DPH6: variants seen among roughly 807,000 people sequenced by gnomAD.
DPH6 encodes the protein diphthine--ammonia ligase.
A neutral mutation model predicts 38.2 loss-of-function variants in DPH6; 33 were observed. That is an observed-to-expected ratio of 0.86 (90% CI 0.65 to 1.15). DPH6 has a LOEUF of 1.15. DPH6 is among the 50% of genes most tolerant of loss of function. DPH6 has a pLI of 0.00. For missense variants in DPH6, 325 were observed against 320.0 expected, an observed-to-expected ratio of 1.02 and a Z score of -0.12; for synonymous variants, 108 against 103.0, an observed-to-expected ratio of 1.05 and a Z score of -0.30.
In DPH6 at chr15:35,486,319, A is replaced by T. The variant is rs574755900; in HGVS notation, c.313-31499T>A. The stretch of plus-strand genomic sequence containing the variant: ...ATGGGGATTATGGAGATTACAAATC[A>T]AGGTGAGATTTTGGGTGGCGACACA... On this transcript the variant is annotated intron_variant, in intron 3 of 8. Coordinates refer to ENST00000256538, the MANE Select transcript of DPH6 (RefSeq NM_080650.4). Among the ~76,000 whole-genome samples the T allele has an allele frequency of 8.5e-5, 13 of 152,092 alleles. 1 individual carries two copies. The highest frequency in any genetic ancestry group is 7.8e-4 in the East Asian group (4 of 5,152).
downstream of DPH6, among the ~76,000 whole-genome samples, chr15:35,325,893 A>G (rs2052278201): frequency 6.6e-6 from 1 of 152,190 alleles, no homozygotes; most frequent in African/African-American, 2.4e-5. Context: ...AAGGATAGAT[A>G]ACACAATAGA....
exon 4 of DPH6, chr15:35,219,653 G>A (rs1252464289): frequency 1.3e-5 from 2 of 152,086 alleles, no homozygotes; most frequent in African/African-American, 4.8e-5. Context: ...ATGTTGCAGT[G>A]AGTAATAAAA....
intron 5 of DPH6, among the ~76,000 whole-genome samples, chr15:35,419,066 CAT>C (rs1370476566): frequency 3.5e-5 from 5 of 143,706 alleles, no homozygotes; most frequent in East Asian, 2.0e-4. Context: ...AACACACACA[CAT>C]ACACACACAC....
At chr15:35,270,081 G>T (rs537972910) in intron 3 of DPH6, among the ~76,000 whole-genome samples, 14 of 149,870 alleles carry the variant, frequency 9.3e-5, no homozygotes, top group Admixed American at 4.6e-4. Context: ...TTACAGGCGT[G>T]AGCCACCGCG....
the DPH6 span, among the ~76,000 whole-genome samples, chr15:35,180,218 A>T: frequency 5.3e-5 from 8 of 152,202 alleles, no homozygotes; most frequent in African/African-American, 1.9e-4. Flanking sequence ...TTAAAAAAAT[A>T]AATTGATGTC....
chr15:35,545,514 G>C (rs2055333285), intron 1 of DPH6, among the ~76,000 whole-genome samples: 1 of 152,216 alleles, frequency 6.6e-6, no homozygotes, highest in Non-Finnish European at 1.5e-5. Context: ...AGAGATCTCT[G>C]TACTTGAGTG....
intron 3 of DPH6, among the ~76,000 whole-genome samples, chr15:35,317,375 GGAAAGAAAAA>G (rs1444796511): frequency 7.4e-6 from 1 of 134,258 alleles, no homozygotes; most frequent in Admixed American, 8.0e-5. Context: ...AGAAAGAAAA[GGAAAGAAAAA>G]GAAAGAAAAG....
intron 4 of DPH6, 40 bp downstream of exon 4, chr15:35,454,707 C>T: frequency 4.0e-6 from 6 of 1,495,192 alleles, no homozygotes; most frequent in Non-Finnish European, 5.5e-6. Context: ...ATTCTTAAAA[C>T]ACATACACTT....
intron 3 of DPH6, among the ~76,000 whole-genome samples, chr15:35,291,897 T>C (rs1018683898): frequency 6.6e-6 from 1 of 152,146 alleles, no homozygotes; most frequent in African/African-American, 2.4e-5. Flanking sequence ...TCCTATTTCA[T>C]ACACCACTGT....
intron 5 of DPH6, among the ~76,000 whole-genome samples, chr15:35,437,202 C>T (rs79183174): frequency 0.032 from 4,814 of 152,186 alleles, 245 homozygotes; most frequent in African/African-American, 0.11. Flanking sequence ...AAAATGGAAC[C>T]AGGAACGCCT....
At position 35,242,760 on chromosome 15, in the gene DPH6, T is replaced by C. The variant is rs2051609063; in HGVS notation, n.201-22178A>G. Among the ~76,000 whole-genome samples the C allele has an allele frequency of 1.4e-5, 2 of 142,618 alleles. 1 individual carries two copies. Among genetic ancestry groups the C allele is most frequent in the African/African-American group, 5.1e-5 (2 of 39,358 alleles). 93.6% of individuals were successfully genotyped at this position (142,618 alleles called of 152,430 possible). ...GGTACAGCCCATTTGAGCTCCTGTA[T>C]AGACGCTCCTTTTTATTAGGCCCCA... On this transcript the variant is annotated intron_variant and non_coding_transcript_variant, in intron 3 of 3. Transcript: ENST00000560386.
In DPH6 at chr15:35,356,545, C is replaced by T. The variant is rs548907845; in HGVS notation, n.207+16976G>A. 9.9e-5 allele frequency among the ~76,000 whole-genome samples: 15 copies of T among 152,268 alleles called. No individual in the cohort carries two copies. In the South Asian group the frequency reaches 3.1e-3, roughly 32 times the overall value. On this transcript the variant is annotated intron_variant and non_coding_transcript_variant, in intron 3 of 3. Coordinates refer to the DPH6 transcript ENST00000558973. ...AGGTCTGTTGGAGTTTGCTGGAGGT[C>T]CACTCCAGACCCTGTTTGCCTGGGT...
the DPH6 span, among the ~76,000 whole-genome samples, chr15:35,165,155 G>A: frequency 5.9e-5 from 9 of 151,844 alleles, no homozygotes; most frequent in Non-Finnish European, 1.2e-4. Flanking sequence ...GCCACCACAT[G>A]AACTGAGTTG....
intron 5 of DPH6, among the ~76,000 whole-genome samples, chr15:35,412,167 A>G (rs2053375046): frequency 6.6e-6 from 1 of 151,796 alleles, no homozygotes; most frequent in Non-Finnish European, 1.5e-5. Flanking sequence ...ATAAGCAAAC[A>G]ACAATCCAAT....
chr15:35,488,512 A>C (rs562718133), intron 3 of DPH6, among the ~76,000 whole-genome samples: 27 of 152,200 alleles, frequency 1.8e-4, no homozygotes, highest in Non-Finnish European at 2.9e-4. Context: ...AGTGAGCAAG[A>C]AGTGCCAAAC....
chr15:35,279,634 C>T (rs1192574025), intron 3 of DPH6, among the ~76,000 whole-genome samples: 1 of 152,104 alleles, frequency 6.6e-6, no homozygotes, highest in Non-Finnish European at 1.5e-5. Context: ...ATAGGATGCA[C>T]CTGCTCCCCT....
At chr15:35,361,034 T>G (rs1024970717) in intron 3 of DPH6, among the ~76,000 whole-genome samples, 13 of 152,154 alleles carry the variant, frequency 8.5e-5, no homozygotes, top group Non-Finnish European at 1.8e-4. Context: ...AATGAAGGTA[T>G]AAGCCAACCT....
chr15:35,172,262 G>A, the DPH6 span, among the ~76,000 whole-genome samples: 9 of 152,312 alleles, frequency 5.9e-5, no homozygotes, highest in East Asian at 1.7e-3. Context: ...AGCCACCTAT[G>A]TGGACAATCT....
the DPH6 span, among the ~76,000 whole-genome samples, chr15:35,207,563 T>C: frequency 0.028 from 4,310 of 152,264 alleles, 78 homozygotes; most frequent in Middle Eastern, 0.044. Flanking sequence ...ATCATCCCCA[T>C]GAGAATATCC....
Sources: allele counts gnomAD v4.1 joint callset (sites outside exome capture counted in the v4.1 genomes callset), GRCh38; gene constraint gnomAD v4.1.1; transcripts MANE v1.5; gene names NCBI Gene and HGNC (gene_info 2026-07-23, HGNC 2026-07-21).